FLRT2: variants seen among roughly 807,000 people sequenced by gnomAD.
FLRT2 encodes the protein leucine-rich repeat transmembrane protein FLRT2.
A neutral mutation model predicts 40.0 loss-of-function variants in FLRT2; 15 were observed. The ratio of observed to expected loss-of-function variants is 0.38; its 90% confidence interval spans 0.25 to 0.58. The LOEUF (loss-of-function observed/expected upper bound fraction) is 0.58, where lower values mean the gene tolerates loss of function less well. FLRT2 is among the 20% of genes least tolerant of loss of function. The probability of loss-of-function intolerance (pLI) is 0.71; values close to 1 mark genes in which losing one functional copy is unlikely to be tolerated. For synonymous variants in FLRT2, 380 were observed against 336.8 expected, an observed-to-expected ratio of 1.13 and a Z score of -1.41; for missense variants, 726 against 840.0, an observed-to-expected ratio of 0.86 and a Z score of 1.68.
In FLRT2 at chr14:85,590,669, G is replaced by A. The variant is rs111408223; in HGVS notation, c.-376-30470G>A. Among the ~76,000 whole-genome samples the A allele has an allele frequency of 7.0e-3, 1,059 of 152,008 alleles. 15 individuals are homozygous for A. Among genetic ancestry groups the A allele is most frequent in the African/African-American group, 0.023 (961 of 41,472 alleles). ...GGCTGGAGTGCAGTGGTGCGGTCTC[G>A]GCTCACTGCAACCTCTGCCTCCCCG... On this transcript the variant is annotated intron_variant, in intron 1 of 1. Coordinates refer to ENST00000330753, the MANE Select transcript of FLRT2 (RefSeq NM_013231.6).
At chr14:85,590,136 G>A (rs1891816679) in intron 1 of FLRT2, among the ~76,000 whole-genome samples, 1 of 151,646 alleles carries the variant, frequency 6.6e-6, no homozygotes, top group African/African-American at 2.4e-5. Flanking sequence ...GCATCATATG[G>A]GATTTTGCAG....
intron 1 of FLRT2, among the ~76,000 whole-genome samples, chr14:85,581,487 G>T (rs1018220420): frequency 1.3e-5 from 2 of 152,320 alleles, no homozygotes; most frequent in East Asian, 3.9e-4. Context: ...ACTTCTTGGA[G>T]CAATATGGCG....
At chr14:85,587,671 C>G (rs992217142) in intron 1 of FLRT2, among the ~76,000 whole-genome samples, 1 of 151,824 alleles carries the variant, frequency 6.6e-6, no homozygotes, top group South Asian at 2.1e-4. Context: ...ATGTGGTCAC[C>G]GTTGACAGCT....
intron 1 of FLRT2, among the ~76,000 whole-genome samples, chr14:85,610,145 C>A (rs975998546): frequency 2.0e-5 from 3 of 152,036 alleles, no homozygotes; most frequent in Admixed American, 1.3e-4. Context: ...CATCAAAGAC[C>A]TTGTTTAGTC....
At chr14:85,608,380 C>T (rs1317501116) in intron 1 of FLRT2, among the ~76,000 whole-genome samples, 2 of 152,000 alleles carry the variant, frequency 1.3e-5, no homozygotes, top group Non-Finnish European at 2.9e-5. Flanking sequence ...CAAGAGCGAG[C>T]CTGCCACCAT....
rs1203818436 is a variant in FLRT2, at chr14:85,654,143, CT to C, written c.*30647del. The C allele has an allele frequency of 2.0e-5, 3 of 151,886 alleles. No homozygotes were observed. The East Asian group carries it at 5.8e-4, about 30-fold the overall frequency. The allele number at this position is 151,886 out of a possible 1,614,324, so 9.4% of individuals were successfully genotyped here. On this transcript the variant is annotated 3_prime_UTR_variant, in exon 2 of 2. Transcript: ENST00000330753. Reference sequence around the variant, plus strand: ...TGTTTATGTCTATGCCAAACTTGCTCTGCTGAGTTCCTGGTGGAATGAAAAG... The same window carrying C: ...TGTTTATGTCTATGCCAAACTTGCTCGCTGAGTTCCTGGTGGAATGAAAAG...
intron 1 of FLRT2, among the ~76,000 whole-genome samples, chr14:85,567,620 C>T (rs1410575848): frequency 6.1e-5 from 9 of 148,376 alleles, no homozygotes; most frequent in African/African-American, 1.0e-4. Flanking sequence ...GCCTAGCACA[C>T]GGGAAGTGAC....
intron 1 of FLRT2, among the ~76,000 whole-genome samples, chr14:85,536,209 G>C (rs1175220968): frequency 1.3e-5 from 2 of 151,976 alleles, no homozygotes; most frequent in African/African-American, 4.8e-5. Context: ...GTTTGATTTA[G>C]GATTTAGACA....
chr14:85,542,206 C>T (rs1889021445), intron 1 of FLRT2, among the ~76,000 whole-genome samples: 1 of 152,158 alleles, frequency 6.6e-6, no homozygotes, highest in East Asian at 1.9e-4. Flanking sequence ...GAACTTCTTA[C>T]TGTTTCTACT....
At chr14:85,542,698 CAGAT>C (rs888519672) in intron 1 of FLRT2, among the ~76,000 whole-genome samples, 2 of 152,100 alleles carry the variant, frequency 1.3e-5, no homozygotes, top group Admixed American at 6.6e-5. Flanking sequence ...GTTTTGTACT[CAGAT>C]AGGTAAAGAA....
chr14:85,530,353 C>T lies in FLRT2; in HGVS notation c.-558C>T, dbSNP rs1295447985. ...ATCTCCGCTCCCGCCGCCGTGTCCA[C>T]CGAGCCCTGGGATCAGGGTGGCAGT... On this transcript the variant is annotated 5_prime_UTR_variant, in exon 1 of 2. Coordinates refer to ENST00000330753, the MANE Select transcript of FLRT2 (RefSeq NM_013231.6). The T allele has an allele frequency of 6.5e-6, 1 of 152,672 alleles. No homozygotes were observed. The highest frequency in any genetic ancestry group is 1.5e-5 in the Non-Finnish European group (1 of 68,094). The allele number at this position is 152,672 out of a possible 1,614,324, so 9.5% of individuals were successfully genotyped here. A position where few individuals can be genotyped will look rare whatever the true frequency, so the allele number is the denominator to read the frequency against.
At chr14:85,583,669 G>A (rs1286921044) in intron 1 of FLRT2, among the ~76,000 whole-genome samples, 3 of 152,072 alleles carry the variant, frequency 2.0e-5, no homozygotes, top group East Asian at 1.9e-4. Flanking sequence ...CATTGTGCAC[G>A]GAAGGAGATA....
chr14:85,605,578 G>A, intron 1 of FLRT2, among the ~76,000 whole-genome samples: 1 of 152,054 alleles, frequency 6.6e-6, no homozygotes, highest in African/African-American at 2.4e-5. Flanking sequence ...AGACCATCCT[G>A]GCTAACACGG....
intron 1 of FLRT2, among the ~76,000 whole-genome samples, chr14:85,590,226 T>C (rs1283571616): frequency 2.0e-5 from 3 of 152,130 alleles, no homozygotes; most frequent in African/African-American, 7.2e-5. Flanking sequence ...TTGCCAAATT[T>C]CCTTGGGGTG....
chr14:85,601,389 C>A (rs915393108), intron 1 of FLRT2, among the ~76,000 whole-genome samples: 1 of 152,220 alleles, frequency 6.6e-6, no homozygotes, highest in Non-Finnish European at 1.5e-5. Context: ...TTCTGGAACA[C>A]AGCCAGACTT....
intron 1 of FLRT2, among the ~76,000 whole-genome samples, chr14:85,539,354 G>C (rs972325033): frequency 4.4e-5 from 6 of 137,278 alleles, no homozygotes; most frequent in African/African-American, 1.1e-4. Context: ...AAAATGATGA[G>C]AGTTGTTTGT....
chr14:85,623,802 G>T lies in FLRT2; in HGVS notation c.*305G>T. 3.8e-6 allele frequency: 1 copy of T among 265,954 alleles called. No homozygotes were observed. Among genetic ancestry groups the T allele is most frequent in the Non-Finnish European group, 7.5e-6 (1 of 133,750 alleles). 16.5% of individuals were successfully genotyped at this position (265,954 alleles called of 1,614,324 possible). On this transcript the variant is annotated 3_prime_UTR_variant, in exon 2 of 2. Coordinates refer to ENST00000330753, the MANE Select transcript of FLRT2 (RefSeq NM_013231.6). ...AACCCAATGCCAAGGCAAAAAGAAC[G>T]AGTGATTTTTCCTTAGGATACACAT... is the stretch of plus-strand genomic sequence containing the variant.
chr14:85,570,670 C>T (rs1382968488), intron 1 of FLRT2, among the ~76,000 whole-genome samples: 1 of 151,866 alleles, frequency 6.6e-6, no homozygotes, highest in East Asian at 1.9e-4. Context: ...CAAGCTCTGC[C>T]TCCTGGGTTC....
rs750738011 is a variant in FLRT2 at position 85,622,887 on chromosome 14, G to A, written c.1373G>A (p.Gly458Asp). The A allele has an allele frequency of 8.7e-6, 14 of 1,614,074 alleles. No individual in the cohort carries two copies. The highest frequency in any genetic ancestry group is 1.7e-5 in the Admixed American group (1 of 60,000). The change falls in exon 2 of 2, where the codon GGC (glycine) becomes GAC (aspartate). Residue 458 changes from glycine to aspartate, a missense_variant. Transcript: ENST00000330753. ...TACAAACTCACATGGGTGAAAATGG[G>A]CCACAGTTTAGTAGGGGGCATCGTT... is the stretch of plus-strand genomic sequence containing the variant. ...MAYKLTWVKMGHSLVGGIVQE... is the reference protein window; with the variant it reads ...MAYKLTWVKMDHSLVGGIVQE...
Sources: gnomAD v4.1 joint callset for allele counts (sites outside exome capture counted in the v4.1 genomes callset) on GRCh38, gnomAD v4.1.1 for gene constraint, MANE v1.5 for transcripts, NCBI Gene and HGNC (gene_info 2026-07-23, HGNC 2026-07-21) for gene names.